Variants in ASPRV1 observed in about 807,000 individuals in gnomAD.
The protein encoded by ASPRV1 is aspartic peptidase retroviral like 1.
Under a neutral mutation model 11.0 loss-of-function variants are expected in ASPRV1, and 7 were observed. The ratio of observed to expected loss-of-function variants is 0.64; its 90% CI spans 0.36 to 1.20. The LOEUF (loss-of-function observed/expected upper bound fraction) is 1.20, where lower values mean the gene tolerates loss of function less well. Ranked by LOEUF, ASPRV1 falls within the 50% of genes most tolerant of loss-of-function variation. The pLI is 0.02. For synonymous variants in ASPRV1, 136 were observed against 138.4 expected (o/e 0.98, Z 0.12); for missense variants, 299 against 320.0 (o/e 0.93, Z 0.50).
the ASPRV1 span, among the ~76,000 whole-genome samples, chr2:69,949,010 G>A: frequency 6.6e-6 from 1 of 152,048 alleles, no homozygotes; most frequent in South Asian, 2.1e-4. Flanking sequence ...AAACGTCCCC[G>A]TGTCCTTGAG....
chr2:70,072,131 T>TA, the ASPRV1 span, among the ~76,000 whole-genome samples: 1 of 151,898 alleles, frequency 6.6e-6, no homozygotes, highest in Non-Finnish European at 1.5e-5. Context: ...TTTGTATTTT[T>TA]AGTAGAGATG....
At chr2:69,987,000 C>G in the ASPRV1 span, among the ~76,000 whole-genome samples, 1 of 152,116 alleles carries the variant, frequency 6.6e-6, no homozygotes, top group Non-Finnish European at 1.5e-5. Context: ...TGGAGAAAGC[C>G]CTGCAGAGGA....
At chr2:69,938,466 A>G in the ASPRV1 span, 1 of 597,644 alleles carries the variant, frequency 1.7e-6, no homozygotes, top group Non-Finnish European at 2.9e-6. Flanking sequence ...TGCATCCACT[A>G]GCTTCTCTTT....
At chr2:70,032,735 C>G in the ASPRV1 span, among the ~76,000 whole-genome samples, 1 of 152,178 alleles carries the variant, frequency 6.6e-6, no homozygotes, top group Non-Finnish European at 1.5e-5. Context: ...TTTGCCCAAC[C>G]TCTTTACCCC....
chr2:70,060,001 C>A, the ASPRV1 span: 1 of 152,148 alleles, frequency 6.6e-6, no homozygotes, highest in Non-Finnish European at 1.5e-5. Flanking sequence ...AAGACAGACG[C>A]TACCATCTAT....
chr2:70,004,243 T>C, the ASPRV1 span, among the ~76,000 whole-genome samples: 1 of 151,872 alleles, frequency 6.6e-6, no homozygotes, highest in African/African-American at 2.4e-5. Context: ...TTTTAAGAGG[T>C]GGGGTAAGCC....
the ASPRV1 span, chr2:70,030,888 A>G: frequency 6.6e-6 from 1 of 152,202 alleles, no homozygotes; most frequent in African/African-American, 2.4e-5. Context: ...CACATACCAG[A>G]CTAGGTGCTG....
chr2:70,070,791 A>AG, the ASPRV1 span: 1 of 154,246 alleles, frequency 6.5e-6, no homozygotes, highest in African/African-American at 2.4e-5. Context: ...ATCAAAAAAA[A>AG]AAAAAAAAAA....
chr2:70,061,950 C>T, the ASPRV1 span, among the ~76,000 whole-genome samples: 1 of 141,656 alleles, frequency 7.1e-6, no homozygotes, highest in African/African-American at 2.6e-5. Flanking sequence ...GTGACAAGAG[C>T]AAAACTCTGT....
At chr2:70,035,890 A>G in the ASPRV1 span, among the ~76,000 whole-genome samples, 1 of 151,708 alleles carries the variant, frequency 6.6e-6, no homozygotes, top group Non-Finnish European at 1.5e-5. Context: ...TTATTTAACT[A>G]ACTCAAGCCC....
chr2:70,079,804 A>T, the ASPRV1 span, among the ~76,000 whole-genome samples: 1 of 152,222 alleles, frequency 6.6e-6, no homozygotes, highest in African/African-American at 2.4e-5. Context: ...TAATCCACAT[A>T]AAAATCCCAG....
At chr2:70,037,458 C>G in the ASPRV1 span, among the ~76,000 whole-genome samples, 1 of 152,182 alleles carries the variant, frequency 6.6e-6, no homozygotes, top group East Asian at 1.9e-4. Context: ...TGAGCTACTG[C>G]TGGGACTACA....
chr2:69,981,617 C>T, the ASPRV1 span, among the ~76,000 whole-genome samples: 12 of 152,098 alleles, frequency 7.9e-5, no homozygotes, highest in Admixed American at 4.6e-4. Flanking sequence ...AGTGCAGTGG[C>T]GCGATCTCGG....
At chr2:70,007,778 G>C in the ASPRV1 span, among the ~76,000 whole-genome samples, 5 of 152,158 alleles carry the variant, frequency 3.3e-5, no homozygotes, top group East Asian at 7.7e-4. Context: ...TGGAGGACCA[G>C]GGAACTTTTG....
At chr2:69,996,654 G>C in the ASPRV1 span, 1 of 452,260 alleles carries the variant, frequency 2.2e-6, no homozygotes, top group South Asian at 1.6e-5. Flanking sequence ...AAATGCTTCT[G>C]AGAGAGGCAC....
chr2:69,988,853 G>C, the ASPRV1 span: 1 of 456,220 alleles, frequency 2.2e-6, no homozygotes, highest in Non-Finnish European at 4.4e-6. Flanking sequence ...AGTAGGATGG[G>C]AGGGGTCAGG....
the ASPRV1 span, among the ~76,000 whole-genome samples, chr2:69,985,969 G>T: frequency 2.6e-5 from 4 of 152,196 alleles, no homozygotes; most frequent in Non-Finnish European, 4.4e-5. Flanking sequence ...ATTTGGAGGG[G>T]AAGTTTGGAA....
chr2:70,071,464 G>A, the ASPRV1 span, among the ~76,000 whole-genome samples: 55 of 152,124 alleles, frequency 3.6e-4, 1 homozygote, highest in Non-Finnish European at 2.9e-5. Flanking sequence ...AAATTAGGCC[G>A]GGCACAGTGC....
chr2:69,979,229 T>C, the ASPRV1 span, among the ~76,000 whole-genome samples: 1 of 152,132 alleles, frequency 6.6e-6, no homozygotes, highest in African/African-American at 2.4e-5. Context: ...GAGATGGGGT[T>C]TCACCATGTT....
Sources: allele counts gnomAD v4.1 joint callset (sites outside exome capture counted in the v4.1 genomes callset), GRCh38; gene constraint gnomAD v4.1.1; transcripts MANE v1.5; gene names NCBI Gene and HGNC (gene_info 2026-07-23, HGNC 2026-07-21).